Variants in BCL9 observed in about 807,000 individuals in gnomAD.
BCL9 encodes the protein B-cell CLL/lymphoma 9 protein.
In BCL9, 25 loss-of-function variants were observed where a neutral mutation model predicts 88.5. The observed-to-expected ratio is 0.28, with a 90% CI of 0.21 to 0.39. BCL9 has a LOEUF of 0.39. BCL9 is among the 10% of genes least tolerant of loss of function. The pLI, the probability that BCL9 is intolerant of heterozygous loss-of-function variation, is 1.00. For missense variants in BCL9, 1,817 were observed against 1,877.8 expected, an observed-to-expected ratio of 0.97 and a Z score of 0.60; for synonymous variants, 711 against 673.3, an observed-to-expected ratio of 1.06 and a Z score of -0.87.
intron 4 of BCL9, 21 bp downstream of exon 4, chr1:147,611,910 T>C: frequency 6.2e-7 from 1 of 1,610,526 alleles, no homozygotes; most frequent in Non-Finnish European, 8.5e-7. Context: ...GGCTGGGGCC[T>C]CTTCCTGCAG....
At chr1:147,551,220 AT>A (rs1654886975) in intron 1 of BCL9, among the ~76,000 whole-genome samples, 1 of 152,236 alleles carries the variant, frequency 6.6e-6, no homozygotes, top group Admixed American at 6.5e-5. Flanking sequence ...TCTAGAGAGT[AT>A]AACTTGCCCA....
chr1:147,598,251 A>G (rs1657138656), intron 1 of BCL9, among the ~76,000 whole-genome samples: 1 of 152,228 alleles, frequency 6.6e-6, no homozygotes, highest in African/African-American at 2.4e-5. Context: ...AAACTTGACA[A>G]AAGGCATTTT....
At chr1:147,573,465 A>G (rs1051841491) in intron 1 of BCL9, among the ~76,000 whole-genome samples, 1 of 152,188 alleles carries the variant, frequency 6.6e-6, no homozygotes, top group East Asian at 1.9e-4. Context: ...AAAAAAAAGA[A>G]TAAGGTTGAA....
At chr1:147,560,009 A>G (rs1553195890) in intron 1 of BCL9, among the ~76,000 whole-genome samples, 1 of 152,212 alleles carries the variant, frequency 6.6e-6, no homozygotes, top group African/African-American at 2.4e-5. Flanking sequence ...CTCTTCCTCT[A>G]GGATATGCTA....
At chr1:147,586,941 C>T (rs1476269992) in intron 1 of BCL9, among the ~76,000 whole-genome samples, 1 of 152,090 alleles carries the variant, frequency 6.6e-6, no homozygotes, top group Non-Finnish European at 1.5e-5. Context: ...TCCGCTATCC[C>T]TAAGCCCACC....
intron 1 of BCL9, among the ~76,000 whole-genome samples, chr1:147,587,184 G>A (rs1457309996): frequency 6.6e-6 from 1 of 151,686 alleles, no homozygotes; most frequent in Admixed American, 6.6e-5. Context: ...CCCCATAGCC[G>A]CTAAGTCACT....
intron 1 of BCL9, among the ~76,000 whole-genome samples, chr1:147,598,854 T>C (rs868915708): frequency 2.4e-4 from 36 of 152,218 alleles, no homozygotes; most frequent in African/African-American, 7.9e-4. Flanking sequence ...ATAATAACGG[T>C]TGTTCACCGC....
At position 147,624,938 on chromosome 1, in the gene BCL9, C is replaced by T. The variant is rs781937794; in HGVS notation, c.4260C>T (p.Asn1420=). 6.2e-7 allele frequency: 1 copy of T among 1,609,180 alleles called. No individual in the cohort carries two copies. Among genetic ancestry groups the T allele is most frequent in the Non-Finnish European group, 8.5e-7 (1 of 1,176,010 alleles). The change falls in exon 10 of 10, where the codon AAC becomes AAT. Residue 1420 remains asparagine, a synonymous_variant. Transcript: ENST00000234739. This position sits in a 1 kb window ranked among gnomAD's most constrained non-coding sequence, Gnocchi z 4.4. ...GMGGFSQGPG[N]PGNMMF is the part of the protein sequence containing the mutation. ...GTGGATTTAGCCAAGGACCTGGCAACCCAGGAAACATGATGTTTTAAGCTG... is the reference window on the plus strand; with the variant it reads ...GTGGATTTAGCCAAGGACCTGGCAATCCAGGAAACATGATGTTTTAAGCTG...
chr1:147,587,344 A>C (rs1189634687), intron 1 of BCL9, among the ~76,000 whole-genome samples: 3 of 152,270 alleles, frequency 2.0e-5, no homozygotes, highest in African/African-American at 7.2e-5. Flanking sequence ...ACAGGCAGTC[A>C]GTCCTTCTAG....
At chr1:147,589,615 C>T (rs1656764754) in intron 1 of BCL9, among the ~76,000 whole-genome samples, 1 of 152,180 alleles carries the variant, frequency 6.6e-6, no homozygotes, top group South Asian at 2.1e-4. Context: ...CAGGCTTCTT[C>T]TGCTTAGCAA....
At chr1:147,585,048 C>A (rs1272824416) in intron 1 of BCL9, among the ~76,000 whole-genome samples, 2 of 152,148 alleles carry the variant, frequency 1.3e-5, no homozygotes, top group Non-Finnish European at 2.9e-5. Flanking sequence ...CTCACCCCAA[C>A]CCAACCTTGG....
At chr1:147,590,034 C>A (rs1656783745) in intron 1 of BCL9, among the ~76,000 whole-genome samples, 1 of 152,166 alleles carries the variant, frequency 6.6e-6, no homozygotes, top group Non-Finnish European at 1.5e-5. Context: ...GCATTCCTAG[C>A]TGATGTGTAG....
At chr1:147,544,828 A>G (rs1654482656) in intron 1 of BCL9, among the ~76,000 whole-genome samples, 2 of 152,122 alleles carry the variant, frequency 1.3e-5, no homozygotes, top group South Asian at 4.1e-4. Context: ...TCAAAGATAG[A>G]ATGTTTTTTC....
At chr1:147,621,517 A>G in intron 8 of BCL9, among the ~76,000 whole-genome samples, 1 of 152,050 alleles carries the variant, frequency 6.6e-6, no homozygotes, top group South Asian at 2.1e-4. Context: ...AACAGTTCCA[A>G]AATCTTCTCC....
chr1:147,577,846 G>GTGTGTC (rs1294286919), intron 1 of BCL9, among the ~76,000 whole-genome samples: 1 of 151,574 alleles, frequency 6.6e-6, no homozygotes, highest in African/African-American at 2.4e-5. Context: ...GTGTGTGTGT[G>GTGTGTC]TGTGTGTGTG....
chr1:147,558,674 G>C (rs780652665), intron 1 of BCL9, among the ~76,000 whole-genome samples: 1 of 151,976 alleles, frequency 6.6e-6, no homozygotes, highest in Non-Finnish European at 1.5e-5. Context: ...AGGTGTGAGC[G>C]TCCCCCGAAG....
intron 1 of BCL9, among the ~76,000 whole-genome samples, chr1:147,548,769 G>A (rs782551949): frequency 3.9e-5 from 6 of 152,046 alleles, no homozygotes; most frequent in Non-Finnish European, 7.4e-5. Flanking sequence ...CTTGAGACCA[G>A]CCTGGGTGAG....
intron 2 of BCL9, among the ~76,000 whole-genome samples, chr1:147,605,173 T>G (rs1358081118): frequency 6.6e-6 from 1 of 152,174 alleles, no homozygotes. Flanking sequence ...AAACAGGTAT[T>G]TATCATACCA....
chr1:147,570,517 T>G lies in BCL9; in HGVS notation c.-478+28843T>G, dbSNP rs587740447. 7.2e-5 allele frequency among the ~76,000 whole-genome samples: 11 copies of G among 152,250 alleles called. No individual in the cohort carries two copies. In the East Asian group the frequency reaches 2.1e-3, roughly 29 times the overall value. Reference sequence around the variant, plus strand: ...GCAGTATCATCTTTGGGGCAAAAATTTTATTTTCAAATTCTTGTCTATTTA... The same window carrying G: ...GCAGTATCATCTTTGGGGCAAAAATGTTATTTTCAAATTCTTGTCTATTTA... On this transcript the variant is annotated intron_variant, in intron 1 of 9. Coordinates refer to ENST00000234739, the MANE Select transcript of BCL9 (RefSeq NM_004326.4).
Sources: gnomAD v4.1 joint callset for allele counts (sites outside exome capture counted in the v4.1 genomes callset) on GRCh38, gnomAD v4.1.1 for gene constraint, Gnocchi (gnomAD v3.1) non-coding constraint, MANE v1.5 for transcripts, NCBI Gene and HGNC (gene_info 2026-07-23, HGNC 2026-07-21) for gene names.